ARHGEF33: variants seen among roughly 807,000 people sequenced by gnomAD.
ARHGEF33 encodes the protein Rho guanine nucleotide exchange factor 33, also known as DH and coiled-coil domain-containing protein ENSP00000381780.
Under a neutral mutation model 101.9 loss-of-function variants are expected in ARHGEF33, and 72 were observed. The observed-to-expected ratio is 0.71, with a 90% CI of 0.58 to 0.86. ARHGEF33 has a LOEUF of 0.86. ARHGEF33 is among the 40% of genes least tolerant of loss of function. The pLI, the probability that ARHGEF33 is intolerant of heterozygous loss-of-function variation, is 0.00. For synonymous variants in ARHGEF33, 499 were observed against 442.5 expected, an observed-to-expected ratio of 1.13 and a Z score of -1.60; for missense variants, 1,169 against 1,111.3, an observed-to-expected ratio of 1.05 and a Z score of -0.74.
At chr2:38,957,946 C>T in intron 14 of ARHGEF33, 88 bp from the exon 15 acceptor site, 1 of 1,441,632 alleles carries the variant, frequency 6.9e-7, no homozygotes, top group South Asian at 1.3e-5. Context: ...TTATCTGAGA[C>T]ATCTCTCTAT....
chr2:38,920,461 G>A (rs1017173504), intron 3 of ARHGEF33, among the ~76,000 whole-genome samples: 3 of 119,478 alleles, frequency 2.5e-5, no homozygotes, highest in African/African-American at 6.4e-5. Flanking sequence ...AGGCTGGAAC[G>A]CAATGGCACG....
intron 2 of ARHGEF33, among the ~76,000 whole-genome samples, chr2:38,906,188 C>CAAAA (rs70954773): frequency 1.5e-5 from 1 of 66,002 alleles, no homozygotes; most frequent in Non-Finnish European, 3.1e-5. Context: ...GACTCTGTCT[C>CAAAA]AAAAAAAAAA....
rs1305484115 is a variant in ARHGEF33 at position 38,960,572 on chromosome 2, C to G, written c.2267C>G (p.Ala756Gly). Residue 756 changes from alanine to glycine, a missense_variant, in exon 16 of 18, where the codon GCC (alanine) becomes GGC (glycine). Coordinates refer to ENST00000409978, the MANE Select transcript of ARHGEF33 (RefSeq NM_001145451.5). The part of the protein sequence containing the change: ...AHGPAAAAVA[A>G]RGASRTFFPQ... The stretch of plus-strand genomic sequence containing the variant: ...GGCCCGGCCGCCGCCGCCGTCGCCG[C>G]CCGCGGCGCATCCAGGACCTTCTTC... 30 of 1,289,610 alleles carry G rather than the reference C, an allele frequency of 2.3e-5. No homozygotes were observed. The South Asian group carries it at 4.7e-4, about 20-fold the overall frequency. The allele number at this position is 1,289,610 out of a possible 1,614,324, so 79.9% of individuals were successfully genotyped here. A position where few individuals can be genotyped will look rare whatever the true frequency, so the allele number is the denominator to read the frequency against.
intron 2 of ARHGEF33, among the ~76,000 whole-genome samples, chr2:38,898,235 T>C (rs184175473): frequency 1.3e-5 from 2 of 152,324 alleles, no homozygotes; most frequent in Admixed American, 1.3e-4. Context: ...TAAAATCAAA[T>C]GGAATTGATT....
At chr2:38,925,638 T>C (rs976936089) in intron 4 of ARHGEF33, among the ~76,000 whole-genome samples, 1 of 152,218 alleles carries the variant, frequency 6.6e-6, no homozygotes, top group Non-Finnish European at 1.5e-5. Flanking sequence ...AAGATGGAAG[T>C]TGGCAGAAAA....
chr2:38,939,826 A>T (rs562992121), intron 9 of ARHGEF33, among the ~76,000 whole-genome samples: 8 of 152,228 alleles, frequency 5.3e-5, no homozygotes, highest in African/African-American at 1.9e-4. Flanking sequence ...GTCAATTTTA[A>T]ACTCTTAAAA....
chr2:38,972,689 C>T (rs1221452883), intron 17 of ARHGEF33, among the ~76,000 whole-genome samples: 2 of 152,152 alleles, frequency 1.3e-5, no homozygotes, highest in African/African-American at 4.8e-5. Flanking sequence ...TCATGATTAA[C>T]TTATCTAATA....
intron 14 of ARHGEF33, 123 bp from the exon 15 acceptor site, chr2:38,957,911 G>C (rs573459076): frequency 2.1e-4 from 250 of 1,214,944 alleles, no homozygotes; most frequent in Admixed American, 1.8e-3. Context: ...AAGGCCCCTG[G>C]AGATAGAGAC....
At chr2:38,961,295 G>A (rs568136616) in intron 16 of ARHGEF33, among the ~76,000 whole-genome samples, 1 of 152,298 alleles carries the variant, frequency 6.6e-6, no homozygotes, top group Non-Finnish European at 1.5e-5. Flanking sequence ...TTGGGTCAGG[G>A]ACATCCCAAA....
chr2:38,969,991 A>G (rs1668131089), intron 17 of ARHGEF33, among the ~76,000 whole-genome samples: 1 of 152,236 alleles, frequency 6.6e-6, no homozygotes, highest in African/African-American at 2.4e-5. Context: ...CGTATTCTTG[A>G]TGGCAGATGT....
chr2:38,932,422 C>T (rs1051794133), intron 7 of ARHGEF33, among the ~76,000 whole-genome samples: 9 of 149,420 alleles, frequency 6.0e-5, no homozygotes, highest in South Asian at 2.1e-4. Context: ...CCACCGTGCC[C>T]GGCTTGCCTT....
chr2:38,894,743 T>C (rs1386172486), intron 1 of ARHGEF33, among the ~76,000 whole-genome samples: 5 of 152,176 alleles, frequency 3.3e-5, no homozygotes, highest in Admixed American at 3.3e-4. Flanking sequence ...TTTCTACTTG[T>C]ATTGCATGGG....
At position 38,954,373 on chromosome 2, in the gene ARHGEF33, G is replaced by A. The variant is rs773482721; in HGVS notation, c.1138G>A (p.Gly380Ser). 2.6e-6 allele frequency: 4 copies of A among 1,533,854 alleles called. No homozygotes were observed. The highest frequency in any genetic ancestry group is 3.5e-6 in the Non-Finnish European group (4 of 1,133,190). ...GTAACTTGACCTTTCTTTCATTCAG[G>A]GTGATGAAGAGATTAAATCTGACAT... Reference protein sequence around the residue: ...SLVHVVVLKEGDEEIKSDIYT... With the variant: ...SLVHVVVLKESDEEIKSDIYT... Residue 380 changes from glycine (G) to serine (S), a missense_variant and splice_region_variant, in exon 13 of 18, where the codon GGT becomes AGT. Transcript: ENST00000409978.
intron 5 of ARHGEF33, 56 bp downstream of exon 5, chr2:38,929,127 A>G: frequency 2.2e-6 from 3 of 1,393,730 alleles, no homozygotes; most frequent in Non-Finnish European, 2.9e-6. Flanking sequence ...CAGTAACAGC[A>G]ATAGAAAACT....
chr2:38,919,806 T>A (rs1373399953), intron 3 of ARHGEF33, among the ~76,000 whole-genome samples: 1 of 152,242 alleles, frequency 6.6e-6, no homozygotes, highest in African/African-American at 2.4e-5. Context: ...TTTTAATCTT[T>A]ACCATATAAA....
chr2:38,965,019 AG>A (rs1369397628), intron 16 of ARHGEF33, among the ~76,000 whole-genome samples: 18 of 151,796 alleles, frequency 1.2e-4, no homozygotes, highest in Non-Finnish European at 2.5e-4. Context: ...TGCAACCCCC[AG>A]TTCTCAAAGT....
rs773170064 is a variant in ARHGEF33, at chr2:38,931,222, A to G, written c.476A>G (p.Asn159Ser). Residue 159 changes from asparagine (N) to serine (S), a missense_variant, in exon 7 of 18, where the codon AAC becomes AGC. Coordinates refer to ENST00000409978, the MANE Select transcript of ARHGEF33 (RefSeq NM_001145451.5). The stretch of plus-strand genomic sequence containing the variant: ...GTTCTTCCAAGCGAAGACTTTACCA[A>G]CCTTTTGCCTTCTCAGGCCTACGAG... Reference protein sequence around the residue: ...EPVLPSEDFTNLLPSQAYEKA... With the variant: ...EPVLPSEDFTSLLPSQAYEKA... 1.7e-5 allele frequency: 27 copies of G among 1,550,378 alleles called. No homozygotes were observed. The highest frequency in any genetic ancestry group is 7.3e-5 in the East Asian group (3 of 40,912).
chr2:38,899,879 G>A (rs12473835), intron 2 of ARHGEF33, among the ~76,000 whole-genome samples: 10,489 of 152,024 alleles, frequency 0.069, 543 homozygotes, highest in Non-Finnish European at 0.1. Flanking sequence ...TACCTGCCAG[G>A]TACAATGGAT....
chr2:38,900,563 C>T (rs1261491666), intron 2 of ARHGEF33, among the ~76,000 whole-genome samples: 3 of 152,078 alleles, frequency 2.0e-5, no homozygotes. Flanking sequence ...TCAGCTAGTC[C>T]AGTCACTAGC....
Sources: gnomAD v4.1 joint callset for allele counts (sites outside exome capture counted in the v4.1 genomes callset) on GRCh38, gnomAD v4.1.1 for gene constraint, MANE v1.5 for transcripts, NCBI Gene and HGNC (gene_info 2026-07-23, HGNC 2026-07-21) for gene names.